PRMT3: variants seen among roughly 807,000 people sequenced by gnomAD.
The protein encoded by PRMT3 is protein arginine methyltransferase 3, also known as protein arginine N-methyltransferase 3.
A neutral mutation model predicts 71.9 loss-of-function variants in PRMT3; 62 were observed. The observed-to-expected ratio is 0.86, with a 90% CI of 0.70 to 1.07. The LOEUF (loss-of-function observed/expected upper bound fraction) is 1.07. PRMT3 is among the 50% of genes least tolerant of loss of function. The pLI, the probability that PRMT3 is intolerant of heterozygous loss-of-function variation, is 0.00. For synonymous variants in PRMT3, 213 were observed against 220.4 expected, an observed-to-expected ratio of 0.97 and a Z score of 0.30; for missense variants, 663 against 643.0, an observed-to-expected ratio of 1.03 and a Z score of -0.34.
chr11:20,490,124 AGATT>A (rs1395340944), intron 13 of PRMT3, among the ~76,000 whole-genome samples: 1 of 151,422 alleles, frequency 6.6e-6, no homozygotes, highest in African/African-American at 2.4e-5. Context: ...GTGAGTAGAT[AGATT>A]ATCTGCACAC....
chr11:20,451,818 T>C lies in PRMT3; in HGVS notation c.994-312T>C, dbSNP rs1390773666. Among the ~76,000 whole-genome samples, 9 of 152,240 alleles carry C rather than the reference T, an allele frequency of 5.9e-5. No homozygotes were observed. The South Asian group carries it at 8.3e-4, about 14-fold the overall frequency. ...GATATTGCATCATTCCAGGGAGTTA[T>C]AGGGCTTGTTAATAATGTCTATCCA... On this transcript the variant is annotated intron_variant, in intron 10 of 15. Transcript: ENST00000331079.
chr11:20,503,905 A>G (rs991243324), intron 15 of PRMT3, among the ~76,000 whole-genome samples: 1 of 152,162 alleles, frequency 6.6e-6, no homozygotes, highest in Non-Finnish European at 1.5e-5. Flanking sequence ...AAACTGGCAA[A>G]TTTTTTAAAA....
At chr11:20,461,484 G>A (rs914998625) in intron 11 of PRMT3, among the ~76,000 whole-genome samples, 2 of 152,112 alleles carry the variant, frequency 1.3e-5, no homozygotes, top group African/African-American at 4.8e-5. Flanking sequence ...CATGTGTCTG[G>A]CACATACTTT....
intron 13 of PRMT3, among the ~76,000 whole-genome samples, chr11:20,474,412 T>C (rs1442099781): frequency 6.6e-6 from 1 of 152,352 alleles, no homozygotes; most frequent in Middle Eastern, 3.4e-3. Flanking sequence ...CTACTTGGCT[T>C]CCTGGATTCA....
chr11:20,427,866 ATTTT>A (rs10561861), intron 10 of PRMT3, among the ~76,000 whole-genome samples: 124,195 of 151,896 alleles, frequency 0.82, 52,762 homozygotes, highest in Non-Finnish European at 0.95. Context: ...TGGTAGATAT[ATTTT>A]CATAAAATTT....
At chr11:20,427,114 T>G (rs970345223) in intron 10 of PRMT3, among the ~76,000 whole-genome samples, 1 of 152,204 alleles carries the variant, frequency 6.6e-6, no homozygotes, top group Non-Finnish European at 1.5e-5. Context: ...TTATCTTTTT[T>G]ATCTTAAAAG....
chr11:20,437,847 C>A (rs1849796668), intron 10 of PRMT3, among the ~76,000 whole-genome samples: 1 of 152,010 alleles, frequency 6.6e-6, no homozygotes, highest in Non-Finnish European at 1.5e-5. Flanking sequence ...CCTCGGCCTC[C>A]CAAAGTGCTG....
chr11:20,508,351 C>G lies in PRMT3; in HGVS notation c.1534C>G (p.Pro512Ala). Residue 512 changes from proline to alanine, a missense_variant, in exon 16 of 16, where the codon CCA (proline) becomes GCA (alanine). By Grantham distance (27) the Pro-to-Ala change is conservative. Coordinates refer to ENST00000331079, the MANE Select transcript of PRMT3 (RefSeq NM_005788.4). ...KVTVHKNKKD[P>A]RSLTVTLTLN... is the part of the protein sequence containing the mutation. ...CACAGTTCACAAGAATAAGAAAGATCCACGTTCTCTCACCGTGACCCTCAC... is the reference window on the plus strand; with the variant it reads ...CACAGTTCACAAGAATAAGAAAGATGCACGTTCTCTCACCGTGACCCTCAC... 1.2e-6 allele frequency: 2 copies of G among 1,612,426 alleles called. No homozygotes were observed. Among genetic ancestry groups the G allele is most frequent in the Non-Finnish European group, 1.7e-6 (2 of 1,178,602 alleles).
intron 13 of PRMT3, among the ~76,000 whole-genome samples, chr11:20,466,473 G>C (rs117940567): frequency 2.0e-5 from 3 of 152,258 alleles, no homozygotes; most frequent in Non-Finnish European, 2.9e-5. Flanking sequence ...AACCCAGGTA[G>C]GCCATGTTCT....
intron 10 of PRMT3, among the ~76,000 whole-genome samples, chr11:20,428,257 G>T (rs1302571777): frequency 6.6e-6 from 1 of 152,132 alleles, no homozygotes; most frequent in African/African-American, 2.4e-5. Flanking sequence ...TTCTGAGAAA[G>T]CACATTTGAG....
At chr11:20,421,409 C>T (rs538706072) in intron 9 of PRMT3, among the ~76,000 whole-genome samples, 5 of 152,174 alleles carry the variant, frequency 3.3e-5, no homozygotes, top group Admixed American at 1.3e-4. Context: ...AAAATTCACC[C>T]TGGGGATGAA....
In PRMT3 at chr11:20,407,941, A is replaced by G; in HGVS notation, c.802A>G (p.Ile268Val). 6.2e-7 allele frequency: 1 copy of G among 1,611,330 alleles called. No individual in the cohort carries two copies. The highest frequency in any genetic ancestry group is 8.5e-7 in the Non-Finnish European group (1 of 1,177,768). Residue 268 changes from isoleucine to valine, a missense_variant, in exon 9 of 16, where the codon ATT (isoleucine) becomes GTT (valine). Physicochemically the swap from Ile to Val is conservative, Grantham distance 29. Coordinates refer to ENST00000331079, the MANE Select transcript of PRMT3 (RefSeq NM_005788.4). ...TTTGGATGTTGGGTGTGGAACTGGAATTCTCTCTATGTTTGCTGCTAAAGC... is the reference window on the plus strand; with the variant it reads ...TTTGGATGTTGGGTGTGGAACTGGAGTTCTCTCTATGTTTGCTGCTAAAGC... ...VVLDVGCGTG[I>V]LSMFAAKAGA...
At chr11:20,500,115 A>G (rs935728131) in intron 15 of PRMT3, among the ~76,000 whole-genome samples, 1 of 152,230 alleles carries the variant, frequency 6.6e-6, no homozygotes, top group African/African-American at 2.4e-5. Flanking sequence ...CTGGAGGAGC[A>G]ATGAATGATT....
chr11:20,422,085 G>C (rs952239655), intron 9 of PRMT3, among the ~76,000 whole-genome samples: 7 of 152,260 alleles, frequency 4.6e-5, no homozygotes, highest in South Asian at 4.1e-4. Context: ...TAGCAGATTA[G>C]TTGTCATACC....
chr11:20,409,436 C>A (rs898378162), intron 9 of PRMT3, among the ~76,000 whole-genome samples: 2 of 152,078 alleles, frequency 1.3e-5, no homozygotes, highest in Non-Finnish European at 2.9e-5. Flanking sequence ...GCCTGTTGCC[C>A]AGCACATAGT....
At chr11:20,504,478 C>G (rs2133707387) in intron 15 of PRMT3, among the ~76,000 whole-genome samples, 1 of 152,124 alleles carries the variant, frequency 6.6e-6, no homozygotes, top group Non-Finnish European at 1.5e-5. Flanking sequence ...ATTTTAAAAT[C>G]AGCTCATTAA....
intron 3 of PRMT3, 152 bp from the exon 4 acceptor site, chr11:20,392,059 C>A: frequency 3.2e-6 from 2 of 618,874 alleles, no homozygotes; most frequent in African/African-American, 1.9e-5. Context: ...CATTGTATTA[C>A]TACTTCTAAT....
chr11:20,411,570 C>G (rs1159833591), intron 9 of PRMT3, among the ~76,000 whole-genome samples: 2 of 152,048 alleles, frequency 1.3e-5, no homozygotes, highest in Admixed American at 6.5e-5. Context: ...AAATCAAAAT[C>G]AGTTTCACTA....
At chr11:20,477,346 C>T (rs886284383) in intron 13 of PRMT3, among the ~76,000 whole-genome samples, 2 of 152,012 alleles carry the variant, frequency 1.3e-5, no homozygotes, top group South Asian at 2.1e-4. Context: ...GAGGCTGAGG[C>T]GGGCAGATCA....
Sources: allele counts gnomAD v4.1 joint callset (sites outside exome capture counted in the v4.1 genomes callset), GRCh38; gene constraint gnomAD v4.1.1; transcripts MANE v1.5; gene names NCBI Gene and HGNC (gene_info 2026-07-23, HGNC 2026-07-21).